Variants in MED27 observed in about 807,000 individuals in gnomAD.
MED27 encodes the protein mediator of RNA polymerase II transcription subunit 27.
A neutral mutation model predicts 38.2 loss-of-function variants in MED27; 30 were observed. The observed-to-expected ratio is 0.79, with a 90% CI of 0.59 to 1.07. MED27 has a LOEUF of 1.07. MED27 is among the 50% of genes least tolerant of loss of function. MED27 has a pLI of 0.00. For synonymous variants in MED27, 122 were observed against 153.5 expected (o/e 0.79, Z 1.52); for missense variants, 289 against 397.5 (o/e 0.73, Z 2.32).
chr9:132,001,198 G>T (rs1167957063), intron 3 of MED27, among the ~76,000 whole-genome samples: 1 of 152,154 alleles, frequency 6.6e-6, no homozygotes, highest in Non-Finnish European at 1.5e-5. Context: ...ATCACTGGTT[G>T]CTTGGGGTGA....
At position 131,992,302 on chromosome 9, in the gene MED27, T is replaced by C. The variant is rs1831992717; in HGVS notation, c.479+22035A>G. On this transcript the variant is annotated intron_variant, in intron 3 of 7. Coordinates refer to ENST00000292035, the MANE Select transcript of MED27 (RefSeq NM_004269.4). ...ATTTCTTTCACCATTAACAGAATCT[T>C]TGAGATGTGAACATGGAAAACATCT... 3.3e-5 allele frequency among the ~76,000 whole-genome samples: 5 copies of C among 152,314 alleles called. No individual in the cohort carries two copies. In the South Asian group the frequency reaches 1.0e-3, roughly 32 times the overall value.
chr9:132,072,217 A>G (rs1490191068), intron 2 of MED27, among the ~76,000 whole-genome samples: 1 of 151,736 alleles, frequency 6.6e-6, no homozygotes, highest in Non-Finnish European at 1.5e-5. Flanking sequence ...AGCACTTACT[A>G]TGTGTGAGTT....
intron 2 of MED27, among the ~76,000 whole-genome samples, chr9:132,067,057 G>A (rs989235670): frequency 1.3e-5 from 2 of 152,158 alleles, no homozygotes; most frequent in African/African-American, 4.8e-5. Flanking sequence ...AATGACCGAG[G>A]AAGAGACTCA....
chr9:131,945,822 G>C (rs1438678686), intron 3 of MED27, among the ~76,000 whole-genome samples: 1 of 149,218 alleles, frequency 6.7e-6, no homozygotes, highest in African/African-American at 2.5e-5. Context: ...AAAAAAGTTA[G>C]CCGGGTGTGG....
Position 131,872,299 on chromosome 9 carries a change from C to T in MED27, c.724-9159G>A, listed in dbSNP as rs1030732309. 5.9e-5 allele frequency among the ~76,000 whole-genome samples: 9 copies of T among 152,238 alleles called. No individual in the cohort carries two copies. Among genetic ancestry groups the T allele is most frequent in the Admixed American group, 3.3e-4 (5 of 15,290 alleles). On this transcript the variant is annotated intron_variant, in intron 6 of 7. Transcript: ENST00000292035. This position sits in a 1 kb window ranked among gnomAD's most constrained non-coding sequence, Gnocchi z 5.6. The stretch of plus-strand genomic sequence containing the variant: ...GCTTGAACAGAGACGCTCTTCCTAA[C>T]GCACCTGCTGAGGGCATTATCTGCC...
In MED27 at chr9:131,960,670, GAAT is replaced by G. The variant is rs1183128902; in HGVS notation, c.480-21199_480-21197del. Among the ~76,000 whole-genome samples the G allele has an allele frequency of 7.9e-5, 12 of 152,280 alleles. No individual in the cohort carries two copies. The East Asian group carries it at 2.3e-3, about 29-fold the overall frequency. ...GTAAAAACACGTGTAGTACCAACAT[GAAT>G]AATAATGAGGGATGACAAATTGGAG... is the stretch of plus-strand genomic sequence containing the variant. On this transcript the variant is annotated intron_variant, in intron 3 of 7. Coordinates refer to ENST00000292035, the MANE Select transcript of MED27 (RefSeq NM_004269.4).
chr9:131,969,953 G>C (rs1381899883), intron 3 of MED27, among the ~76,000 whole-genome samples: 2 of 152,116 alleles, frequency 1.3e-5, no homozygotes, highest in African/African-American at 4.8e-5. Context: ...CAGCAGCCAT[G>C]AGGCTGGAGG....
rs558055860 is a variant in MED27 at position 131,907,042 on chromosome 9, T to C, written c.574-13050A>G. On this transcript the variant is annotated intron_variant, in intron 4 of 7. Coordinates refer to ENST00000292035, the MANE Select transcript of MED27 (RefSeq NM_004269.4). Reference sequence around the variant, plus strand: ...TGCATTATAATTAGCATATAATGAGTAGTGAGGATGACCAATGGTCACTTT... The same window carrying C: ...TGCATTATAATTAGCATATAATGAGCAGTGAGGATGACCAATGGTCACTTT... 2.0e-5 allele frequency among the ~76,000 whole-genome samples: 3 copies of C among 152,216 alleles called. No individual in the cohort carries two copies. In the South Asian group the frequency reaches 6.2e-4, roughly 32 times the overall value.
In MED27 at chr9:132,073,820, C is replaced by T. The variant is rs192128387; in HGVS notation, c.348+3622G>A. 3.1e-5 allele frequency: 45 copies of T among 1,450,202 alleles called. 1 individual carries two copies. The African/African-American group carries it at 5.5e-4, about 18-fold the overall frequency. 89.8% of individuals were successfully genotyped at this position (1,450,202 alleles called of 1,614,324 possible). A position where few individuals can be genotyped will look rare whatever the true frequency, so the allele number is the denominator to read the frequency against. On this transcript the variant is annotated intron_variant, in intron 2 of 7. Coordinates refer to ENST00000292035, the MANE Select transcript of MED27 (RefSeq NM_004269.4). ...CTCGCTCTGGGCCCATTTCCCAAGCCCAGTAAAAAGTGACACTTCTGGGGT... is the reference window on the plus strand; with the variant it reads ...CTCGCTCTGGGCCCATTTCCCAAGCTCAGTAAAAAGTGACACTTCTGGGGT...
chr9:131,980,696 CTGTT>C (rs991971081), intron 3 of MED27, among the ~76,000 whole-genome samples: 5 of 151,414 alleles, frequency 3.3e-5, no homozygotes, highest in Non-Finnish European at 7.4e-5. Context: ...CGGGCTTTGA[CTGTT>C]TGCTGGAAAA....
At chr9:131,959,114 A>G (rs1434275268) in intron 3 of MED27, among the ~76,000 whole-genome samples, 2 of 152,252 alleles carry the variant, frequency 1.3e-5, no homozygotes, top group Non-Finnish European at 2.9e-5. Context: ...ACAGGAAGAC[A>G]GTGCTGTAGT....
chr9:131,916,889 C>T (rs967992623), intron 4 of MED27, among the ~76,000 whole-genome samples: 2 of 152,138 alleles, frequency 1.3e-5, no homozygotes, highest in East Asian at 1.9e-4. Context: ...TCAATACAGG[C>T]ATAAATGGGA....
intron 3 of MED27, among the ~76,000 whole-genome samples, chr9:131,987,556 C>T (rs566191074): frequency 1.3e-5 from 2 of 152,292 alleles, no homozygotes; most frequent in African/African-American, 4.8e-5. Context: ...AATAATCACA[C>T]CTGGCAATGC....
intron 4 of MED27, among the ~76,000 whole-genome samples, chr9:131,896,217 G>A (rs1385087441): frequency 1.3e-5 from 2 of 152,138 alleles, no homozygotes; most frequent in African/African-American, 4.8e-5. Context: ...TAGTTTTGTA[G>A]TTACAGACAC....
intron 3 of MED27, among the ~76,000 whole-genome samples, chr9:131,987,698 G>C (rs1831884198): frequency 6.6e-6 from 1 of 150,972 alleles, no homozygotes; most frequent in Non-Finnish European, 1.5e-5. Flanking sequence ...TTAGCTGTCA[G>C]GAGGACAATA....
At chr9:132,062,495 T>C (rs999511082) in intron 2 of MED27, among the ~76,000 whole-genome samples, 2 of 152,200 alleles carry the variant, frequency 1.3e-5, no homozygotes, top group Non-Finnish European at 2.9e-5. Context: ...AGGTTGAGTA[T>C]GGTGGCTCAA....
In MED27 at chr9:131,860,257, G is replaced by A. The variant is rs1372687914; in HGVS notation, c.*281C>T. ...GGAGACGACAGACACCAGCACTGCC[G>A]ACACACATGGACGAGGAGCATGCTG... On this transcript the variant is annotated 3_prime_UTR_variant, in exon 8 of 8. Coordinates refer to ENST00000292035, the MANE Select transcript of MED27 (RefSeq NM_004269.4). The surrounding 1 kb of genome is among the most constrained non-coding windows in gnomAD (Gnocchi z 5.8). The A allele has an allele frequency of 3.5e-5, 12 of 338,970 alleles. No individual in the cohort carries two copies. Among genetic ancestry groups the A allele is most frequent in the Middle Eastern group, 7.8e-4 (1 of 1,280 alleles). 21.0% of individuals were successfully genotyped at this position (338,970 alleles called of 1,614,324 possible). A position where few individuals can be genotyped will look rare whatever the true frequency, so the allele number is the denominator to read the frequency against.
In MED27 at chr9:131,960,838, C is replaced by T. The variant is rs1831200823; in HGVS notation, c.480-21364G>A. Among the ~76,000 whole-genome samples, 5 of 152,268 alleles carry T rather than the reference C, an allele frequency of 3.3e-5. No individual in the cohort carries two copies. The South Asian group carries it at 1.0e-3, about 32-fold the overall frequency. ...TCCTAAAACATGCAAATGGAAGTTG[C>T]TGAGTGAAGACAGATCAATTATCCT... On this transcript the variant is annotated intron_variant, in intron 3 of 7. Coordinates refer to ENST00000292035, the MANE Select transcript of MED27 (RefSeq NM_004269.4).
intron 3 of MED27, among the ~76,000 whole-genome samples, chr9:131,940,136 A>G (rs868806641): frequency 1.3e-5 from 2 of 151,704 alleles, no homozygotes; most frequent in Non-Finnish European, 2.9e-5. Context: ...CGAACTCCTG[A>G]CCTCATGATC....
Sources: gnomAD v4.1 joint callset for allele counts (sites outside exome capture counted in the v4.1 genomes callset) on GRCh38, gnomAD v4.1.1 for gene constraint, Gnocchi (gnomAD v3.1) non-coding constraint, MANE v1.5 for transcripts, NCBI Gene and HGNC (gene_info 2026-07-23, HGNC 2026-07-21) for gene names.